Variants in FEZ2 observed in about 807,000 individuals in gnomAD.
FEZ2 encodes fasciculation and elongation protein zeta 2, also known as fasciculation and elongation protein zeta-2.
Under a neutral mutation model 40.4 loss-of-function variants are expected in FEZ2, and 51 were observed. That is an observed-to-expected ratio of 1.26 (90% CI 1.01 to 1.59). FEZ2 has a LOEUF of 1.59. FEZ2 is among the 40% of genes most tolerant of loss of function. The pLI, the probability that FEZ2 is intolerant of heterozygous loss-of-function variation, is 0.00. For missense variants in FEZ2, 640 were observed against 438.3 expected (o/e 1.46, Z -4.11); for synonymous variants, 242 against 172.0 (o/e 1.41, Z -3.18).
intron 7 of FEZ2, among the ~76,000 whole-genome samples, chr2:36,553,567 A>G (rs1667877988): frequency 6.6e-6 from 1 of 152,162 alleles, no homozygotes; most frequent in African/African-American, 2.4e-5. Flanking sequence ...CCACGCGTAC[A>G]TTACTTCAGA....
chr2:36,555,907 A>T, intron 6 of FEZ2, 159 bp from the exon 7 acceptor site: 2 of 673,396 alleles, frequency 3.0e-6, no homozygotes, highest in South Asian at 3.3e-5. Flanking sequence ...TACAACAATA[A>T]AGGCCCAATA....
At chr2:36,593,059 T>G (rs896247513) in intron 1 of FEZ2, among the ~76,000 whole-genome samples, 5 of 152,192 alleles carry the variant, frequency 3.3e-5, no homozygotes, top group African/African-American at 1.2e-4. Flanking sequence ...GGCTCATACC[T>G]TCCTGGATAA....
chr2:36,562,992 G>C (rs767480601), intron 5 of FEZ2, among the ~76,000 whole-genome samples: 5 of 152,176 alleles, frequency 3.3e-5, no homozygotes, highest in Non-Finnish European at 7.4e-5. Context: ...AGGAAACTAA[G>C]ACACACTTTC....
chr2:36,553,708 G>A (rs943304107), intron 7 of FEZ2, among the ~76,000 whole-genome samples: 2 of 152,082 alleles, frequency 1.3e-5, no homozygotes, highest in East Asian at 1.9e-4. Context: ...CAGGCCAAAT[G>A]AGACCACTTT....
chr2:36,575,739 T>A (rs848601), intron 5 of FEZ2, among the ~76,000 whole-genome samples: 90,114 of 151,892 alleles, frequency 0.59, 27,343 homozygotes, highest in East Asian at 0.85. Flanking sequence ...ACAACAAATA[T>A]TTAAAACAAA....
Position 36,555,721 on chromosome 2 carries a change from T to C in FEZ2, c.1007A>G (p.Glu336Gly). 1 of 1,597,946 alleles carries C rather than the reference T, an allele frequency of 6.3e-7. No individual in the cohort carries two copies. The highest frequency in any genetic ancestry group is 1.7e-4 in the Middle Eastern group (1 of 5,994). ...ATCAGTTAACAAGCTCGGAACTTTTTCACTGTCCTCCTTCATGGCACGAAG... is the reference window on the plus strand; with the variant it reads ...ATCAGTTAACAAGCTCGGAACTTTTCCACTGTCCTCCTTCATGGCACGAAG... ...KILRAMKEDSEKVPSLLTDYI... is the reference protein window; with the variant it reads ...KILRAMKEDSGKVPSLLTDYI... The change falls in exon 7 of 8, where the codon GAA becomes GGA. Residue 336 changes from glutamate (E) to glycine (G), a missense_variant. Coordinates refer to ENST00000405912, the MANE Select transcript of FEZ2 (RefSeq NM_005102.3).
chr2:36,553,087 G>A lies in FEZ2; in HGVS notation c.*76C>T. 1.6e-6 allele frequency: 2 copies of A among 1,228,106 alleles called. No individual in the cohort carries two copies. The highest frequency in any genetic ancestry group is 2.3e-6 in the Non-Finnish European group (2 of 855,870). The allele number at this position is 1,228,106 out of a possible 1,614,324, so 76.1% of individuals were successfully genotyped here. On this transcript the variant is annotated 3_prime_UTR_variant, in exon 8 of 8. Coordinates refer to ENST00000405912, the MANE Select transcript of FEZ2 (RefSeq NM_005102.3). ...TGTGCTGAGTTTCCAATAGCAAGAA[G>A]GGTAATGGTAGCCAGCTCTCAGAAT...
intron 2 of FEZ2, chr2:36,590,031 C>G (rs1000284185): frequency 2.7e-5 from 4 of 148,478 alleles, no homozygotes; most frequent in African/African-American, 7.4e-5. Context: ...TGTGATTTTC[C>G]ATTTCAAGTA....
chr2:36,553,959 C>T (rs564947130), intron 7 of FEZ2, among the ~76,000 whole-genome samples: 2 of 152,256 alleles, frequency 1.3e-5, no homozygotes, highest in East Asian at 3.9e-4. Flanking sequence ...TTCAATGACC[C>T]GACTTCCCCA....
intron 2 of FEZ2, among the ~76,000 whole-genome samples, chr2:36,584,376 C>T (rs1428084054): frequency 1.3e-5 from 2 of 152,208 alleles, no homozygotes; most frequent in African/African-American, 4.8e-5. Flanking sequence ...GGGGATTGCA[C>T]CACATCAAGT....
chr2:36,597,223 TCCA>T (rs1317229486), intron 1 of FEZ2, among the ~76,000 whole-genome samples: 1 of 152,034 alleles, frequency 6.6e-6, no homozygotes, highest in Non-Finnish European at 1.5e-5. Flanking sequence ...GGCAATATAC[TCCA>T]CCTAGAACGT....
intron 4 of FEZ2, among the ~76,000 whole-genome samples, chr2:36,579,552 C>T (rs1176736894): frequency 6.6e-6 from 1 of 152,012 alleles, no homozygotes; most frequent in African/African-American, 2.4e-5. Flanking sequence ...TGGCACTCCC[C>T]CCAGCCCCCT....
chr2:36,596,572 T>G (rs1669229287), intron 1 of FEZ2, among the ~76,000 whole-genome samples: 1 of 152,216 alleles, frequency 6.6e-6, no homozygotes, highest in South Asian at 2.1e-4. Flanking sequence ...TCCTGCCATC[T>G]CAGCCTCCGG....
intron 1 of FEZ2, among the ~76,000 whole-genome samples, chr2:36,597,008 A>ATCAT (rs1363425891): frequency 6.6e-6 from 1 of 152,054 alleles, no homozygotes; most frequent in Non-Finnish European, 1.5e-5. Context: ...TGAACCTCCT[A>ATCAT]TCATTGCTCT....
chr2:36,589,472 C>T (rs1558459160), intron 2 of FEZ2, among the ~76,000 whole-genome samples: 1 of 152,170 alleles, frequency 6.6e-6, no homozygotes, highest in African/African-American at 2.4e-5. Flanking sequence ...ATTAAGTGTC[C>T]TTTAAAGCCC....
chr2:36,555,071 C>T (rs973697402), intron 7 of FEZ2, among the ~76,000 whole-genome samples: 7 of 152,176 alleles, frequency 4.6e-5, no homozygotes, highest in South Asian at 2.1e-4. Flanking sequence ...GCTCTTTTCT[C>T]GGCAAAGCAA....
In FEZ2 at chr2:36,583,207, T is replaced by C. The variant is rs547411074; in HGVS notation, c.492+146A>G. The stretch of plus-strand genomic sequence containing the variant: ...GATCACAAATACTTATTTTTCTCTG[T>C]GGAAGAGTTAACTATTAAGCCTGTA... On this transcript the variant is annotated intron_variant, in intron 3 of 7. Transcript: ENST00000405912. 1.7e-4 allele frequency: 93 copies of C among 537,926 alleles called. 2 individuals carry two copies. The South Asian group carries it at 2.2e-3, about 13-fold the overall frequency. The allele number at this position is 537,926 out of a possible 1,614,324, so 33.3% of individuals were successfully genotyped here. A position where few individuals can be genotyped will look rare whatever the true frequency, so the allele number is the denominator to read the frequency against.
At chr2:36,590,704 G>A in intron 2 of FEZ2, 199 bp downstream of exon 2, 1 of 505,038 alleles carries the variant, frequency 2.0e-6, no homozygotes, top group Non-Finnish European at 3.5e-6. Flanking sequence ...AAAAATGAGT[G>A]TGCTGGAGAA....
intron 5 of FEZ2, among the ~76,000 whole-genome samples, chr2:36,577,385 G>A (rs1285031293): frequency 2.0e-5 from 3 of 152,024 alleles, no homozygotes; most frequent in Non-Finnish European, 4.4e-5. Context: ...AGCCTCCAGA[G>A]TAGCTGGAAT....
Sources: allele counts gnomAD v4.1 joint callset (sites outside exome capture counted in the v4.1 genomes callset), GRCh38; gene constraint gnomAD v4.1.1; transcripts MANE v1.5; gene names NCBI Gene and HGNC (gene_info 2026-07-23, HGNC 2026-07-21).